Variants in MAOB observed in about 807,000 individuals in gnomAD.
MAOB encodes the protein amine oxidase [flavin-containing] B.
MAOB carries 15 observed loss-of-function variants against 41.9 expected under a neutral mutation model. The ratio of observed to expected loss-of-function variants is 0.36; its 90% confidence interval spans 0.24 to 0.55. The LOEUF (loss-of-function observed/expected upper bound fraction) is 0.55, where lower values mean the gene tolerates loss of function less well. MAOB is among the 20% of genes least tolerant of loss of function. The probability of loss-of-function intolerance (pLI) is 0.86; values close to 1 mark genes in which losing one functional copy is unlikely to be tolerated. For synonymous variants in MAOB, 167 were observed against 144.2 expected (o/e 1.16, Z -1.13); for missense variants, 345 against 398.7 (o/e 0.87, Z 1.15).
At chrX:43,793,682 AG>A in intron 7 of MAOB, 104 bp from the exon 8 acceptor site, 1 of 700,221 alleles carries the variant, frequency 1.4e-6, no homozygotes, top group Non-Finnish European at 2.1e-6. Flanking sequence ...AGTCTCTTAA[AG>A]AAGTGACAAG....
intron 1 of MAOB, among the ~76,000 whole-genome samples, chrX:43,845,750 T>G (rs2035195088): frequency 8.9e-6 from 1 of 112,758 alleles, no homozygotes; most frequent in Admixed American, 9.4e-5. Flanking sequence ...ATGTTGTGGT[T>G]TATAAGAATC....
At chrX:43,852,344 G>C (rs780611083) in intron 1 of MAOB, among the ~76,000 whole-genome samples, 1 of 112,155 alleles carries the variant, frequency 8.9e-6, no homozygotes, top group Non-Finnish European at 1.9e-5. Flanking sequence ...GTTCATATAC[G>C]ATAAGGAAAT....
At chrX:43,812,227 C>A (rs113798768) in intron 3 of MAOB, among the ~76,000 whole-genome samples, 1,529 of 112,139 alleles carry the variant, frequency 0.014, 41 homozygotes, top group African/African-American at 0.045. Flanking sequence ...TACCGCATTT[C>A]GTTTATCCAT....
Position 43,793,590 on chromosome X carries a change from G to T in MAOB, c.769-12C>A. On this transcript the variant is annotated splice_polypyrimidine_tract_variant and intron_variant, in intron 7 of 14. Transcript: ENST00000378069. The stretch of plus-strand genomic sequence containing the variant: ...ATCACATATTTAGCCTGAAAGAAAA[G>T]CAACATGGTTAAACATTGTTGCCGT... 1 of 1,181,635 alleles carries T rather than the reference G, an allele frequency of 8.5e-7. No homozygotes were observed. The highest frequency in any genetic ancestry group is 1.1e-6 in the Non-Finnish European group (1 of 877,602).
chrX:43,769,349 G>A lies in MAOB; in HGVS notation c.1305C>T (p.Tyr435=). Residue 435 remains tyrosine (Y), a synonymous_variant, in exon 13 of 15, where the codon TAC becomes TAT. Coordinates refer to ENST00000378069, the MANE Select transcript of MAOB (RefSeq NM_000898.5). ...CCCCGGCCTCTACAGCCCCCTCCAT[G>A]TAGCCGCTCCAGTGTGTGGCAGTCT... ...GTETATHWSG[Y]MEGAVEAGER... is the part of the protein sequence containing the mutation. 1 of 1,208,890 alleles carries A rather than the reference G, an allele frequency of 8.3e-7. No individual in the cohort carries two copies. The highest frequency in any genetic ancestry group is 1.1e-6 in the Non-Finnish European group (1 of 894,682).
chrX:43,801,261 G>T (rs1449013617), intron 5 of MAOB, among the ~76,000 whole-genome samples: 1 of 110,084 alleles, frequency 9.1e-6, no homozygotes, highest in African/African-American at 3.3e-5. Flanking sequence ...TAAATTATTA[G>T]AAGCTGAATT....
At chrX:43,865,189 C>T (rs1434488447) in intron 1 of MAOB, among the ~76,000 whole-genome samples, 3 of 112,202 alleles carry the variant, frequency 2.7e-5, no homozygotes, top group Non-Finnish European at 3.8e-5. Context: ...AATTATGGCA[C>T]ACCCATATTA....
At chrX:43,835,762 T>A (rs1177691840) in intron 3 of MAOB, among the ~76,000 whole-genome samples, 2 of 111,517 alleles carry the variant, frequency 1.8e-5, no homozygotes, top group African/African-American at 6.5e-5. Flanking sequence ...CATCCTCTCT[T>A]GAGGAAACAC....
At chrX:43,807,529 C>T (rs2034682508) in intron 3 of MAOB, among the ~76,000 whole-genome samples, 1 of 112,460 alleles carries the variant, frequency 8.9e-6, no homozygotes, top group Admixed American at 9.4e-5. Context: ...GCTGCAAGAG[C>T]ATGGGCTCTG....
intron 3 of MAOB, chrX:43,838,061 A>T: frequency 3.2e-6 from 1 of 315,766 alleles, no homozygotes; most frequent in Non-Finnish European, 6.2e-6. Flanking sequence ...ATTAGAATGA[A>T]TGTCCAACAT....
chrX:43,843,801 C>T (rs759382797), intron 1 of MAOB, 37 bp from the exon 2 acceptor site: 4 of 1,201,833 alleles, frequency 3.3e-6, no homozygotes. Context: ...GGATCAAATA[C>T]AAGGATGCCA....
intron 1 of MAOB, among the ~76,000 whole-genome samples, chrX:43,862,405 T>C (rs1312657911): frequency 1.8e-5 from 2 of 112,289 alleles, no homozygotes; most frequent in Admixed American, 9.5e-5. Context: ...AATAAACATT[T>C]ATTTATTTTC....
rs182201614 is a variant in MAOB, at chrX:43,811,456, C to T, written c.280-8052G>A. On this transcript the variant is annotated intron_variant, in intron 3 of 14. Coordinates refer to ENST00000378069, the MANE Select transcript of MAOB (RefSeq NM_000898.5). ...GAGCCAGGGTAAGCCACCTTCCCCTCTATAACTCAATCATTTTTACAGTTA... is the reference window on the plus strand; with the variant it reads ...GAGCCAGGGTAAGCCACCTTCCCCTTTATAACTCAATCATTTTTACAGTTA... Among the ~76,000 whole-genome samples the T allele has an allele frequency of 3.5e-3, 395 of 111,422 alleles. 2 individuals are homozygous for T. The highest frequency in any genetic ancestry group is 0.012 in the African/African-American group (366 of 30,633).
At chrX:43,813,487 T>C (rs959608263) in intron 3 of MAOB, among the ~76,000 whole-genome samples, 1 of 111,534 alleles carries the variant, frequency 9.0e-6, no homozygotes, top group Non-Finnish European at 1.9e-5. Context: ...AGTAATAGAG[T>C]TCAAGCTCTT....
intron 11 of MAOB, among the ~76,000 whole-genome samples, chrX:43,775,679 T>C (rs2034246469): frequency 8.9e-6 from 1 of 111,949 alleles, no homozygotes; most frequent in Non-Finnish European, 1.9e-5. Context: ...GAAAAAGGAT[T>C]ATCAGGTTCA....
At position 43,768,790 on chromosome X, in the gene MAOB, A is replaced by G. The variant is rs745750378; in HGVS notation, c.1348-74T>C. Reference sequence around the variant, plus strand: ...CTTCTAATCTGCTCCCTAAAGGACTAAGTAACTGTCTCTTGAGATATCCAT... The same window carrying G: ...CTTCTAATCTGCTCCCTAAAGGACTGAGTAACTGTCTCTTGAGATATCCAT... On this transcript the variant is annotated intron_variant, in intron 13 of 14. Transcript: ENST00000378069. 5.8e-6 allele frequency: 5 copies of G among 859,443 alleles called. No homozygotes were observed. In the African/African-American group the frequency reaches 1.0e-4, roughly 17 times the overall value. 70.8% of individuals were successfully genotyped at this position (859,443 alleles called of 1,213,427 possible).
At chrX:43,809,113 G>A (rs1003303014) in intron 3 of MAOB, among the ~76,000 whole-genome samples, 4 of 111,408 alleles carry the variant, frequency 3.6e-5, no homozygotes, top group Admixed American at 1.9e-4. Flanking sequence ...ATGCTGTGAT[G>A]AGGGTGGGAA....
chrX:43,798,493 G>A (rs1043640371), intron 5 of MAOB, among the ~76,000 whole-genome samples: 4 of 112,117 alleles, frequency 3.6e-5, no homozygotes, highest in Non-Finnish European at 5.6e-5. Context: ...AATTAATAGA[G>A]CATAAATGGG....
chrX:43,865,174 A>G (rs1259219602), intron 1 of MAOB, among the ~76,000 whole-genome samples: 2 of 112,527 alleles, frequency 1.8e-5, no homozygotes, highest in South Asian at 3.7e-4. Context: ...ATTAAAAGAT[A>G]AACAAATTAT....
Sources: allele counts gnomAD v4.1 joint callset (sites outside exome capture counted in the v4.1 genomes callset), GRCh38; gene constraint gnomAD v4.1.1; transcripts MANE v1.5; gene names NCBI Gene and HGNC (gene_info 2026-07-23, HGNC 2026-07-21).